Variants in DAB1 observed in about 807,000 individuals in gnomAD.
DAB1 encodes disabled homolog 1.
DAB1 carries 15 observed loss-of-function variants against 64.6 expected under a neutral mutation model. That is an observed-to-expected ratio of 0.23 (90% CI 0.16 to 0.36). The LOEUF (loss-of-function observed/expected upper bound fraction) is 0.36. Among genes scored for constraint, DAB1 ranks in the 10% least tolerant of loss-of-function variants. The probability of loss-of-function intolerance (pLI) is 1.00; values close to 1 mark genes in which losing one functional copy is unlikely to be tolerated. For missense variants in DAB1, 596 were observed against 706.7 expected (o/e 0.84, Z 1.78); for synonymous variants, 235 against 251.9 (o/e 0.93, Z 0.64).
At chr1:57,328,822 C>T (rs371408511) in intron 1 of DAB1, among the ~76,000 whole-genome samples, 5 of 152,310 alleles carry the variant, frequency 3.3e-5, no homozygotes, top group African/African-American at 1.2e-4. Context: ...CCTGAAATAA[C>T]ATCTGCCCAT....
chr1:57,468,845 A>C (rs144217977), intron 7 of DAB1, among the ~76,000 whole-genome samples: 13 of 152,336 alleles, frequency 8.5e-5, no homozygotes, highest in Non-Finnish European at 1.9e-4. Context: ...TCATGCATTC[A>C]TTCTTGCATT....
chr1:57,081,262 C>T (rs1339431728), intron 4 of DAB1, among the ~76,000 whole-genome samples: 1 of 152,162 alleles, frequency 6.6e-6, no homozygotes, highest in African/African-American at 2.4e-5. Flanking sequence ...AGCAGAGCAT[C>T]TGGTAGATGG....
chr1:57,979,430 G>A (rs949906164), intron 5 of DAB1, among the ~76,000 whole-genome samples: 1 of 152,152 alleles, frequency 6.6e-6, no homozygotes, highest in Non-Finnish European at 1.5e-5. Context: ...GGGGGCTAGG[G>A]GAGGGATAAC....
intron 9 of DAB1, among the ~76,000 whole-genome samples, chr1:57,041,608 T>C (rs1279343310): frequency 1.3e-5 from 2 of 152,204 alleles, no homozygotes; most frequent in Non-Finnish European, 1.5e-5. Flanking sequence ...GAAATATCCA[T>C]CTCATAAGAC....
chr1:57,928,252 C>T (rs1253691564), intron 5 of DAB1, among the ~76,000 whole-genome samples: 3 of 152,086 alleles, frequency 2.0e-5, no homozygotes, highest in African/African-American at 7.2e-5. Context: ...CTAGCCCTAT[C>T]CCCCGAGAGG....
At chr1:57,879,235 C>A (rs1238520910) in intron 1 of DAB1, among the ~76,000 whole-genome samples, 1 of 152,136 alleles carries the variant, frequency 6.6e-6, no homozygotes, top group Admixed American at 6.5e-5. Context: ...TAACTGAATT[C>A]TGGCCAATGG....
intron 1 of DAB1, among the ~76,000 whole-genome samples, chr1:57,353,376 C>T (rs376624804): frequency 4.9e-4 from 75 of 152,200 alleles, no homozygotes; most frequent in African/African-American, 1.8e-3. Context: ...CTATGGTTTT[C>T]CATTCCTTGT....
chr1:57,234,135 A>G (rs1667913158), intron 2 of DAB1, among the ~76,000 whole-genome samples: 1 of 152,242 alleles, frequency 6.6e-6, no homozygotes, highest in South Asian at 2.1e-4. Flanking sequence ...TTGTACAAAT[A>G]TGATTAAGAA....
At chr1:57,064,428 T>C (rs983966678) in intron 8 of DAB1, among the ~76,000 whole-genome samples, 9 of 152,220 alleles carry the variant, frequency 5.9e-5, no homozygotes, top group Non-Finnish European at 8.8e-5. Flanking sequence ...GGCGCTGTTC[T>C]AAACATTTGT....
intron 4 of DAB1, among the ~76,000 whole-genome samples, chr1:58,183,021 T>G (rs1656880861): frequency 6.6e-6 from 1 of 151,998 alleles, no homozygotes; most frequent in Non-Finnish European, 1.5e-5. Flanking sequence ...TCTGTAGAAT[T>G]TGTCTCCCCC....
At chr1:57,565,122 C>T (rs1022031851) in intron 7 of DAB1, among the ~76,000 whole-genome samples, 33 of 152,292 alleles carry the variant, frequency 2.2e-4, no homozygotes, top group Non-Finnish European at 3.8e-4. Context: ...CAATATTCAA[C>T]ATTCTTAAAG....
chr1:57,953,283 C>T (rs1645316721), intron 5 of DAB1, among the ~76,000 whole-genome samples: 1 of 152,096 alleles, frequency 6.6e-6, no homozygotes, highest in Non-Finnish European at 1.5e-5. Flanking sequence ...GGGTGTTGGA[C>T]AATAGGGAAT....
At chr1:57,049,109 G>C (rs927231575) in intron 9 of DAB1, among the ~76,000 whole-genome samples, 1 of 152,024 alleles carries the variant, frequency 6.6e-6, no homozygotes. Flanking sequence ...AGAACAGAAC[G>C]GAAGATGAAA....
chr1:57,277,777 C>G (rs766217223), intron 2 of DAB1, among the ~76,000 whole-genome samples: 27 of 152,152 alleles, frequency 1.8e-4, no homozygotes, highest in Non-Finnish European at 3.1e-4. Flanking sequence ...GCACATTTGT[C>G]AAAGGCAGTT....
chr1:58,535,362 G>A (rs1264712262), intron 1 of DAB1, among the ~76,000 whole-genome samples: 3 of 152,076 alleles, frequency 2.0e-5, no homozygotes, highest in Non-Finnish European at 4.4e-5. Context: ...CAGCACTTTA[G>A]GAGGTGGGCA....
At chr1:57,482,118 G>A (rs1212648376) in intron 7 of DAB1, among the ~76,000 whole-genome samples, 1 of 151,936 alleles carries the variant, frequency 6.6e-6, no homozygotes, top group Non-Finnish European at 1.5e-5. Context: ...CTCTGACAAA[G>A]GGGAAAAAGG....
chr1:57,178,057 C>A (rs1662521672), intron 2 of DAB1, among the ~76,000 whole-genome samples: 1 of 151,980 alleles, frequency 6.6e-6, no homozygotes, highest in African/African-American at 2.4e-5. Context: ...ATTACAGGGG[C>A]AGATATAGCC....
At chr1:58,179,241 A>G (rs1656651236) in intron 4 of DAB1, among the ~76,000 whole-genome samples, 1 of 151,890 alleles carries the variant, frequency 6.6e-6, no homozygotes, top group Non-Finnish European at 1.5e-5. Flanking sequence ...GTTTCTTAAT[A>G]CTATCTTGAG....
At chr1:58,362,845 A>G (rs1016206757) in intron 3 of DAB1, among the ~76,000 whole-genome samples, 6 of 152,254 alleles carry the variant, frequency 3.9e-5, no homozygotes, top group African/African-American at 7.2e-5. Flanking sequence ...AGGCAGAACT[A>G]CAATGTCTTA....
Sources: allele counts gnomAD v4.1 joint callset (sites outside exome capture counted in the v4.1 genomes callset), GRCh38; gene constraint gnomAD v4.1.1; transcripts MANE v1.5; gene names NCBI Gene and HGNC (gene_info 2026-07-23, HGNC 2026-07-21).